COL4A6: variants seen among roughly 807,000 people sequenced by gnomAD.
The protein encoded by COL4A6 is collagen alpha-6(IV) chain.
COL4A6 carries 59 observed loss-of-function variants against 126.7 expected under a neutral mutation model. The observed-to-expected ratio is 0.47, with a 90% confidence interval of 0.38 to 0.58. The LOEUF (loss-of-function observed/expected upper bound fraction) is 0.58, where lower values mean the gene tolerates loss of function less well. COL4A6 is among the 20% of genes least tolerant of loss of function. The pLI, the probability that COL4A6 is intolerant of heterozygous loss-of-function variation, is 0.00. For synonymous variants in COL4A6, 547 were observed against 496.6 expected, an observed-to-expected ratio of 1.10 and a Z score of -1.35; for missense variants, 1,285 against 1,337.3, an observed-to-expected ratio of 0.96 and a Z score of 0.61.
chrX:108,412,717 A>T (rs1486122802), intron 2 of COL4A6, among the ~76,000 whole-genome samples: 1 of 112,503 alleles, frequency 8.9e-6, no homozygotes, highest in East Asian at 2.8e-4. Context: ...GAAAGGTAGG[A>T]TTCTGACAGC....
intron 35 of COL4A6, 80 bp downstream of exon 35, chrX:108,170,529 G>A (rs759104198): frequency 1.3e-6 from 1 of 798,612 alleles, no homozygotes; most frequent in African/African-American, 2.1e-5. Flanking sequence ...ACCCTAGCTA[G>A]TATCTTCTAA....
chrX:108,292,189 A>G (rs2038179217), intron 3 of COL4A6, among the ~76,000 whole-genome samples: 1 of 112,195 alleles, frequency 8.9e-6, no homozygotes, highest in Non-Finnish European at 1.9e-5. Context: ...TTCGAATATC[A>G]CTTGTAATAT....
intron 3 of COL4A6, among the ~76,000 whole-genome samples, chrX:108,238,197 C>T (rs1280614195): frequency 9.3e-6 from 1 of 106,962 alleles, no homozygotes; most frequent in Non-Finnish European, 1.9e-5. Flanking sequence ...ACCTCCAGCT[C>T]CCAGGTTCAA....
At chrX:108,381,407 T>C (rs1043000916) in intron 2 of COL4A6, among the ~76,000 whole-genome samples, 5 of 112,189 alleles carry the variant, frequency 4.5e-5, no homozygotes, top group Non-Finnish European at 9.4e-5. Context: ...AATATGTATC[T>C]TTAAAAAATT....
intron 5 of COL4A6, among the ~76,000 whole-genome samples, chrX:108,215,152 A>G (rs753283286): frequency 1.2e-4 from 13 of 112,463 alleles, no homozygotes; most frequent in Non-Finnish European, 1.7e-4. Flanking sequence ...TATATGTTCA[A>G]AAATGAACTT....
chrX:108,292,529 T>C (rs774548189), intron 3 of COL4A6, among the ~76,000 whole-genome samples: 172 of 111,902 alleles, frequency 1.5e-3, no homozygotes, highest in African/African-American at 5.3e-3. Context: ...GCATTTTCTC[T>C]TCTAGATGAA....
chrX:108,414,183 G>A (rs73638834), intron 2 of COL4A6, among the ~76,000 whole-genome samples: 8,234 of 111,937 alleles, frequency 0.074, 662 homozygotes, highest in African/African-American at 0.23. Context: ...GAGGCAGAAA[G>A]AAACATAATA....
intron 2 of COL4A6, among the ~76,000 whole-genome samples, chrX:108,430,157 T>C (rs143517401): frequency 8.9e-6 from 1 of 111,841 alleles, no homozygotes; most frequent in African/African-American, 3.2e-5. Context: ...AAAAATTATA[T>C]TTGGTCTGGG....
rs142282503 is a variant in COL4A6 at position 108,428,104 on chromosome X, T to C, written c.63+9838A>G. On this transcript the variant is annotated intron_variant, in intron 2 of 44. Coordinates refer to ENST00000334504, the MANE Select transcript of COL4A6 (RefSeq NM_033641.4). ...AATCTTTTGGCTTTCCTGGGCCACA[T>C]TGGAAGAAAAAGCATTGTCTTGGGC... 1.9e-4 allele frequency among the ~76,000 whole-genome samples: 21 copies of C among 111,198 alleles called. No homozygotes were observed. The East Asian group carries it at 5.7e-3, about 30-fold the overall frequency.
chrX:108,284,119 T>C (rs138000694), intron 3 of COL4A6, among the ~76,000 whole-genome samples: 111 of 112,439 alleles, frequency 9.9e-4, no homozygotes, highest in Middle Eastern at 9.1e-3. Context: ...TCTTGTGCTT[T>C]AGGTTTAACC....
rs1344285532 is a variant in COL4A6 at position 108,410,646 on chromosome X, C to T, written c.63+27296G>A. ...GTATATCAGTTTAAAAATAATTTAC[C>T]CCCCTTTCCCACCAATGTTATGGCC... is the stretch of plus-strand genomic sequence containing the variant. On this transcript the variant is annotated intron_variant, in intron 2 of 44. Coordinates refer to ENST00000334504, the MANE Select transcript of COL4A6 (RefSeq NM_033641.4). Among the ~76,000 whole-genome samples, 6 of 110,765 alleles carry T rather than the reference C, an allele frequency of 5.4e-5. No homozygotes were observed. The Admixed American group carries it at 5.8e-4, about 11-fold the overall frequency.
intron 3 of COL4A6, among the ~76,000 whole-genome samples, chrX:108,225,556 T>A (rs1373420318): frequency 8.9e-6 from 1 of 112,529 alleles, no homozygotes; most frequent in African/African-American, 3.2e-5. Context: ...GAACCGCAGG[T>A]CTGCAACCAC....
chrX:108,389,423 A>C (rs2040779635), intron 2 of COL4A6, among the ~76,000 whole-genome samples: 2 of 112,046 alleles, frequency 1.8e-5, no homozygotes, highest in African/African-American at 6.5e-5. Flanking sequence ...ATATATATTT[A>C]GGATAGTTAC....
intron 2 of COL4A6, among the ~76,000 whole-genome samples, chrX:108,431,807 GAACA>G (rs1260530991): frequency 5.4e-5 from 6 of 111,666 alleles, no homozygotes; most frequent in African/African-American, 2.0e-4. Context: ...GGCTGGGAGA[GAACA>G]AACAGAGAAT....
intron 11 of COL4A6, 144 bp downstream of exon 11, chrX:108,205,295 A>C: frequency 1.9e-6 from 1 of 530,450 alleles, no homozygotes; most frequent in Non-Finnish European, 3.3e-6. Flanking sequence ...AAGAGATCCC[A>C]CCAGAGGATC....
At chrX:108,303,135 A>G (rs906826744) in intron 3 of COL4A6, among the ~76,000 whole-genome samples, 1 of 110,315 alleles carries the variant, frequency 9.1e-6, no homozygotes, top group East Asian at 2.8e-4. Flanking sequence ...GTGTGCTGAT[A>G]AATGACAAAA....
intron 2 of COL4A6, among the ~76,000 whole-genome samples, chrX:108,382,889 G>A (rs993108508): frequency 9.4e-6 from 1 of 106,625 alleles, no homozygotes; most frequent in Non-Finnish European, 1.9e-5. Flanking sequence ...CAGAGGTTGC[G>A]GTGAGCGGAG....
chrX:108,288,277 C>T (rs952996744), intron 3 of COL4A6, among the ~76,000 whole-genome samples: 15 of 111,697 alleles, frequency 1.3e-4, no homozygotes, highest in Non-Finnish European at 2.4e-4. Flanking sequence ...AGGTCAAATA[C>T]CTGGATGAAA....
intron 3 of COL4A6, among the ~76,000 whole-genome samples, chrX:108,226,306 CCTTCT>C (rs1341254890): frequency 8.9e-6 from 1 of 112,219 alleles, no homozygotes. Context: ...CACCAATGCT[CCTTCT>C]CTTAAGTTTC....
Sources: gnomAD v4.1 joint callset for allele counts (sites outside exome capture counted in the v4.1 genomes callset) on GRCh38, gnomAD v4.1.1 for gene constraint, MANE v1.5 for transcripts, NCBI Gene and HGNC (gene_info 2026-07-23, HGNC 2026-07-21) for gene names.